The following GPC5 variants were observed in gnomAD, a reference collection of about 807,000 sequenced individuals.
GPC5 encodes the protein glypican-5.
A neutral mutation model predicts 53.9 loss-of-function variants in GPC5; 47 were observed. The ratio of observed to expected loss-of-function variants is 0.87; its 90% CI spans 0.69 to 1.11. GPC5 has a LOEUF of 1.11. Among genes scored for constraint, GPC5 ranks in the 50% most tolerant of loss-of-function variants. GPC5 has a pLI of 0.00. For missense variants in GPC5, 748 were observed against 713.1 expected (o/e 1.05, Z -0.56); for synonymous variants, 286 against 263.3 (o/e 1.09, Z -0.84).
intron 6 of GPC5, among the ~76,000 whole-genome samples, chr13:92,131,031 G>A (rs903833472): frequency 2.0e-5 from 3 of 151,782 alleles, no homozygotes; most frequent in Non-Finnish European, 4.4e-5. Flanking sequence ...ATTTTTTAAT[G>A]GACTAATGAC....
rs188163640 is a variant in GPC5, at chr13:92,257,272, T to C, written c.1561+112283T>C. ...TGAAATGTGATTTTTTTTCTTCTAA[T>C]CAAACAAAGCAAAATAGATTCCTTA... On this transcript the variant is annotated intron_variant, in intron 7 of 7. Coordinates refer to ENST00000377067, the MANE Select transcript of GPC5 (RefSeq NM_004466.6). Among the ~76,000 whole-genome samples the C allele has an allele frequency of 3.0e-3, 464 of 152,210 alleles. 3 individuals carry two copies. The highest frequency in any genetic ancestry group is 0.01 in the African/African-American group (429 of 41,542).
At chr13:92,005,617 T>C (rs2040599594) in intron 6 of GPC5, among the ~76,000 whole-genome samples, 1 of 152,224 alleles carries the variant, frequency 6.6e-6, no homozygotes, top group East Asian at 1.9e-4. Flanking sequence ...TATACACAGA[T>C]ACATGTAACT....
At chr13:92,242,603 T>C (rs1326053193) in intron 7 of GPC5, among the ~76,000 whole-genome samples, 1 of 151,932 alleles carries the variant, frequency 6.6e-6, no homozygotes, top group African/African-American at 2.4e-5. Flanking sequence ...TTAAAAAATA[T>C]ATAAAATAAA....
chr13:92,159,969 C>T (rs1406396736), intron 7 of GPC5, among the ~76,000 whole-genome samples: 1 of 151,938 alleles, frequency 6.6e-6, no homozygotes, highest in Non-Finnish European at 1.5e-5. Flanking sequence ...ATGGCCCCAT[C>T]TCGGTTCACT....
At chr13:92,414,959 A>G (rs994397696) in intron 7 of GPC5, among the ~76,000 whole-genome samples, 12 of 152,220 alleles carry the variant, frequency 7.9e-5, no homozygotes, top group African/African-American at 2.4e-4. Context: ...GGGGATATAG[A>G]CATTCAGACC....
intron 7 of GPC5, among the ~76,000 whole-genome samples, chr13:92,452,993 C>T (rs1878126163): frequency 6.6e-6 from 1 of 152,204 alleles, no homozygotes; most frequent in African/African-American, 2.4e-5. Flanking sequence ...TGAGATCCTA[C>T]TTCCTATAAC....
intron 7 of GPC5, among the ~76,000 whole-genome samples, chr13:92,647,847 A>G (rs1885824939): frequency 6.6e-6 from 1 of 152,086 alleles, no homozygotes; most frequent in Non-Finnish European, 1.5e-5. Flanking sequence ...CATTCAACAA[A>G]TATTTATTGA....
intron 3 of GPC5, among the ~76,000 whole-genome samples, chr13:91,716,389 C>T (rs1372429323): frequency 1.3e-5 from 2 of 152,118 alleles, no homozygotes; most frequent in Non-Finnish European, 2.9e-5. Context: ...ACGTGAGAGA[C>T]TATTGGTTTC....
rs145282706 is a variant in GPC5 at position 91,410,329 on chromosome 13, C to T, written c.163+11120C>T. Among the ~76,000 whole-genome samples the T allele has an allele frequency of 5.4e-3, 797 of 146,594 alleles. 3 individuals carry two copies. Among genetic ancestry groups the T allele is most frequent in the African/African-American group, 0.019 (741 of 39,966 alleles). Reference sequence around the variant, plus strand: ...GCAGACAGAGAAATCATAGTAGAATCGTTTCCATTCTTTTTTTTTTTTTTT... The same window carrying T: ...GCAGACAGAGAAATCATAGTAGAATTGTTTCCATTCTTTTTTTTTTTTTTT... On this transcript the variant is annotated intron_variant, in intron 1 of 7. Transcript: ENST00000377067.
At chr13:92,581,560 T>C (rs1450616260) in intron 7 of GPC5, among the ~76,000 whole-genome samples, 2 of 152,164 alleles carry the variant, frequency 1.3e-5, no homozygotes, top group Non-Finnish European at 2.9e-5. Flanking sequence ...GACATACCAA[T>C]TTCATATCCT....
chr13:92,086,006 CT>C (rs2041332960), intron 6 of GPC5, among the ~76,000 whole-genome samples: 1 of 152,160 alleles, frequency 6.6e-6, no homozygotes, highest in Admixed American at 6.5e-5. Context: ...TCCAGCAAGC[CT>C]TTTAAATGAG....
chr13:92,196,197 A>G (rs1345001413), intron 7 of GPC5, among the ~76,000 whole-genome samples: 1 of 152,234 alleles, frequency 6.6e-6, no homozygotes, highest in African/African-American at 2.4e-5. Flanking sequence ...CTAACAATGA[A>G]GTACTAAGTA....
chr13:92,042,717 A>C (rs1034328407), intron 6 of GPC5, among the ~76,000 whole-genome samples: 1 of 152,216 alleles, frequency 6.6e-6, no homozygotes, highest in African/African-American at 2.4e-5. Context: ...ATTGTGACTC[A>C]TGCGCAAGAA....
chr13:91,554,330 G>A (rs138632845), intron 2 of GPC5, among the ~76,000 whole-genome samples: 1 of 151,388 alleles, frequency 6.6e-6, no homozygotes, highest in Non-Finnish European at 1.5e-5. Context: ...CATGCACGTG[G>A]ACACATACAT....
In GPC5 at chr13:92,596,600, A is replaced by G. The variant is rs183336793; in HGVS notation, c.1562-269682A>G. Among the ~76,000 whole-genome samples, 1,381 of 152,082 alleles carry G rather than the reference A, an allele frequency of 9.1e-3. 14 individuals carry two copies. Among genetic ancestry groups the G allele is most frequent in the Non-Finnish European group, 0.013 (884 of 67,996 alleles). On this transcript the variant is annotated intron_variant, in intron 7 of 7. Transcript: ENST00000377067. Reference sequence around the variant, plus strand: ...GCGATTCTTATGCCTCAGCCTCCCAAGTAGCTGGGACAACATGCGCACGCC... The same window carrying G: ...GCGATTCTTATGCCTCAGCCTCCCAGGTAGCTGGGACAACATGCGCACGCC...
intron 7 of GPC5, among the ~76,000 whole-genome samples, chr13:92,252,598 T>C (rs2042700112): frequency 6.6e-6 from 1 of 152,112 alleles, no homozygotes; most frequent in Non-Finnish European, 1.5e-5. Flanking sequence ...TCTAGGCTTA[T>C]ACTTTTACCA....
At chr13:91,811,188 C>G (rs574817435) in intron 5 of GPC5, among the ~76,000 whole-genome samples, 142 of 151,894 alleles carry the variant, frequency 9.3e-4, no homozygotes, top group Non-Finnish European at 1.8e-3. Context: ...GTGCCTTGAC[C>G]CTTAAAATAA....
At chr13:92,213,939 A>C (rs7981670) in intron 7 of GPC5, among the ~76,000 whole-genome samples, 7,062 of 152,258 alleles carry the variant, frequency 0.046, 392 homozygotes, top group African/African-American at 0.13. Context: ...CAGACATAAA[A>C]ATTTTATTTC....
intron 7 of GPC5, among the ~76,000 whole-genome samples, chr13:92,457,637 T>C (rs1006995009): frequency 3.9e-5 from 6 of 152,224 alleles, no homozygotes; most frequent in Non-Finnish European, 8.8e-5. Flanking sequence ...TTCAGGGTTG[T>C]CATAACATGG....
Sources: allele counts gnomAD v4.1 joint callset (sites outside exome capture counted in the v4.1 genomes callset), GRCh38; gene constraint gnomAD v4.1.1; transcripts MANE v1.5; gene names NCBI Gene and HGNC (gene_info 2026-07-23, HGNC 2026-07-21).